Variants in ACSL3 observed in about 807,000 individuals in gnomAD.
ACSL3 encodes acyl-CoA synthetase long chain family member 3.
In ACSL3, 34 loss-of-function variants were observed where a neutral mutation model predicts 84.7. The ratio of observed to expected loss-of-function variants is 0.40; its 90% CI spans 0.31 to 0.53. The LOEUF is 0.53. Among genes scored for constraint, ACSL3 ranks in the 20% least tolerant of loss-of-function variants. The pLI is 0.48. For missense variants in ACSL3, 680 were observed against 873.1 expected (o/e 0.78, Z 2.79); for synonymous variants, 315 against 299.4 (o/e 1.05, Z -0.54).
intron 7 of ACSL3, among the ~76,000 whole-genome samples, chr2:222,920,145 A>G (rs1696693920): frequency 6.6e-6 from 1 of 152,182 alleles, no homozygotes; most frequent in Non-Finnish European, 1.5e-5. Flanking sequence ...GTAATTTCCA[A>G]GAAGTGGTGG....
intron 12 of ACSL3, 59 bp downstream of exon 12, chr2:222,927,248 G>A (rs1696907805): frequency 6.4e-7 from 1 of 1,568,566 alleles, no homozygotes; most frequent in Non-Finnish European, 8.7e-7. Flanking sequence ...TTGGGGTATG[G>A]GATATTTTCT....
intron 2 of ACSL3, among the ~76,000 whole-genome samples, chr2:222,890,787 G>C (rs537681978): frequency 3.9e-5 from 6 of 152,108 alleles, no homozygotes; most frequent in African/African-American, 1.4e-4. Flanking sequence ...GATTACAGGT[G>C]CGTACCACCA....
At chr2:222,915,384 T>A (rs1696552092) in intron 4 of ACSL3, among the ~76,000 whole-genome samples, 2 of 152,230 alleles carry the variant, frequency 1.3e-5, no homozygotes, top group African/African-American at 4.8e-5. Context: ...TTATCCAACC[T>A]CTTCTAGAAA....
At chr2:222,901,943 CAAAAAA>C (rs765995360) in intron 3 of ACSL3, among the ~76,000 whole-genome samples, 8 of 12,388 alleles carry the variant, frequency 6.5e-4, no homozygotes, top group Middle Eastern at 0.022. Flanking sequence ...GACTCGGTCT[CAAAAAA>C]AAAAAAAAAA....
chr2:222,936,826 C>T (rs1228651188), intron 16 of ACSL3, among the ~76,000 whole-genome samples: 2 of 151,972 alleles, frequency 1.3e-5, no homozygotes, highest in African/African-American at 4.8e-5. Flanking sequence ...AGCAAAGGGA[C>T]ATCTTACATG....
chr2:222,911,735 A>T (rs1450449816), intron 4 of ACSL3, among the ~76,000 whole-genome samples: 4 of 152,266 alleles, frequency 2.6e-5, no homozygotes. Context: ...GTGTATCAGT[A>T]TAACTGGACA....
Position 222,934,535 on chromosome 2 carries a change from A to G in ACSL3, c.1853A>G (p.His618Arg). Residue 618 changes from histidine to arginine, a missense_variant, in exon 16 of 17, where the codon CAT becomes CGT. Physicochemically the swap from His to Arg is conservative, Grantham distance 29 (BLOSUM62 0). Around this residue, in one of 2 missense-constraint regions of ACSL3, gnomAD observed 347 missense variants for 525.7 expected, o/e 0.66. Coordinates refer to ENST00000357430, the MANE Select transcript of ACSL3 (RefSeq NM_004457.5). ...DNICAYANSY[H>R]SYVIGFVVPN... is the part of the protein sequence containing the mutation. ...TTATCCTTTCTATATTTCAGTTATC[A>G]TTCTTATGTCATTGGATTTGTTGTG... is the stretch of plus-strand genomic sequence containing the variant. 1.3e-6 allele frequency: 2 copies of G among 1,559,818 alleles called. No individual in the cohort carries two copies. Among genetic ancestry groups the G allele is most frequent in the Admixed American group, 1.9e-5 (1 of 51,626 alleles).
At chr2:222,922,447 G>A (rs1345633545) in intron 8 of ACSL3, among the ~76,000 whole-genome samples, 5 of 152,178 alleles carry the variant, frequency 3.3e-5, no homozygotes, top group African/African-American at 4.8e-5. Context: ...TAAGTAGGAC[G>A]GGAAACAGCA....
chr2:222,936,923 A>G (rs900541577), intron 16 of ACSL3, among the ~76,000 whole-genome samples: 1 of 152,044 alleles, frequency 6.6e-6, no homozygotes, highest in Non-Finnish European at 1.5e-5. Context: ...GTGAGGTCTC[A>G]CTCACCATCA....
At chr2:222,865,419 T>C (rs1176939497) in intron 1 of ACSL3, among the ~76,000 whole-genome samples, 1 of 152,234 alleles carries the variant, frequency 6.6e-6, no homozygotes, top group African/African-American at 2.4e-5. Flanking sequence ...GTATTTGTTA[T>C]TAAGGATTCA....
At chr2:222,892,051 G>A (rs1431866300) in intron 2 of ACSL3, among the ~76,000 whole-genome samples, 1 of 152,096 alleles carries the variant, frequency 6.6e-6, no homozygotes, top group Admixed American at 6.5e-5. Context: ...CTCGATTTCA[G>A]CCCTGTAGTC....
At chr2:222,941,179 C>G (rs1206127457) in intron 16 of ACSL3, among the ~76,000 whole-genome samples, 1 of 152,116 alleles carries the variant, frequency 6.6e-6, no homozygotes, top group Non-Finnish European at 1.5e-5. Context: ...ATCCTCCTGC[C>G]TGAGCTTTCA....
chr2:222,935,427 T>G (rs1697146705), intron 16 of ACSL3, among the ~76,000 whole-genome samples: 1 of 152,178 alleles, frequency 6.6e-6, no homozygotes, highest in Non-Finnish European at 1.5e-5. Context: ...AGGCCAGTCT[T>G]GAACTCCTAG....
At chr2:222,916,739 A>AC in intron 5 of ACSL3, 3 of 314,558 alleles carry the variant, frequency 9.5e-6, no homozygotes, top group Admixed American at 4.8e-5. Context: ...GGTCTTGAGA[A>AC]CTAGACCTAC....
At chr2:222,940,516 C>T (rs1697275375) in intron 16 of ACSL3, among the ~76,000 whole-genome samples, 1 of 149,340 alleles carries the variant, frequency 6.7e-6, no homozygotes, top group East Asian at 2.0e-4. Flanking sequence ...GGCATTTATG[C>T]AGCATATAAT....
At chr2:222,873,675 T>A (rs1411141377) in intron 1 of ACSL3, among the ~76,000 whole-genome samples, 1 of 152,238 alleles carries the variant, frequency 6.6e-6, no homozygotes, top group Non-Finnish European at 1.5e-5. Flanking sequence ...CTACTTCTCA[T>A]TTATCATATC....
intron 12 of ACSL3, among the ~76,000 whole-genome samples, chr2:222,927,871 A>G (rs1340239771): frequency 6.6e-6 from 1 of 152,166 alleles, no homozygotes; most frequent in African/African-American, 2.4e-5. Context: ...GGCTCTGTAT[A>G]CCATTTTCAT....
chr2:222,882,763 T>A (rs1286035362), intron 1 of ACSL3, among the ~76,000 whole-genome samples: 1 of 62,310 alleles, frequency 1.6e-5, no homozygotes, highest in African/African-American at 7.2e-5. Flanking sequence ...AGATCACTGT[T>A]TTTTTTTTTT....
At chr2:222,911,387 T>G (rs1415940830) in intron 4 of ACSL3, among the ~76,000 whole-genome samples, 22 of 152,202 alleles carry the variant, frequency 1.4e-4, no homozygotes, top group Admixed American at 1.4e-3. Flanking sequence ...TGAGTCTGTT[T>G]TTGAGAAATC....
Sources: allele counts gnomAD v4.1 joint callset (sites outside exome capture counted in the v4.1 genomes callset), GRCh38; gene constraint gnomAD v4.1.1; regional missense constraint gnomAD v4.1.1; transcripts MANE v1.5; gene names NCBI Gene and HGNC (gene_info 2026-07-23, HGNC 2026-07-21).